SENP2: variants seen among roughly 807,000 people sequenced by gnomAD.
SENP2 encodes SUMO specific peptidase 2.
SENP2 carries 16 observed loss-of-function variants against 86.3 expected under a neutral mutation model. The ratio of observed to expected loss-of-function variants is 0.19; its 90% CI spans 0.13 to 0.28. The LOEUF (loss-of-function observed/expected upper bound fraction) is 0.28, where lower values mean the gene tolerates loss of function less well. Ranked by LOEUF, SENP2 falls within the 10% of genes least tolerant of loss-of-function variation. SENP2 has a pLI of 1.00. For synonymous variants in SENP2, 222 were observed against 238.7 expected (o/e 0.93, Z 0.64); for missense variants, 552 against 703.0 (o/e 0.79, Z 2.43).
chr3:185,598,898 A>G (rs1330736359), intron 3 of SENP2, 60 bp from the exon 4 acceptor site: 5 of 1,316,150 alleles, frequency 3.8e-6, no homozygotes, highest in East Asian at 2.3e-5. Flanking sequence ...TTTTCATAAT[A>G]GAAAGTTATT....
At chr3:185,629,575 CAA>C (rs34843707) in intron 16 of SENP2, among the ~76,000 whole-genome samples, 11,163 of 116,950 alleles carry the variant, frequency 0.095, 629 homozygotes, top group South Asian at 0.34. Context: ...GACTCCATCT[CAA>C]AAAAAAAAAA....
intron 2 of SENP2, among the ~76,000 whole-genome samples, chr3:185,591,081 ATTTTTAGTAGAGATG>A (rs1180410115): frequency 7.4e-5 from 11 of 148,532 alleles, no homozygotes; most frequent in Admixed American, 6.0e-4. Flanking sequence ...GTTTTTTTGT[ATTTTTAGTAGAGATG>A]GGGTTTCACC....
chr3:185,601,041 CTTTTTTTTT>C (rs11315344), intron 5 of SENP2, among the ~76,000 whole-genome samples, 186 bp downstream of exon 5: 1 of 75,530 alleles, frequency 1.3e-5, no homozygotes. Context: ...CTTTTCTTGT[CTTTTTTTTT>C]TTTTTTTTTT....
At position 185,611,676 on chromosome 3, in the gene SENP2, T is replaced by C. The variant is rs1028827339; in HGVS notation, c.748T>C (p.Leu250=). The C allele has an allele frequency of 5.6e-6, 9 of 1,613,492 alleles. No homozygotes were observed. The Admixed American group carries it at 1.3e-4, about 24-fold the overall frequency. The change falls in exon 8 of 17, where the codon TTA becomes CTA. Residue 250 remains leucine, a synonymous_variant. Coordinates refer to ENST00000296257, the MANE Select transcript of SENP2 (RefSeq NM_021627.3). Reference sequence around the variant, plus strand: ...TTCTCAAAGAAGTCAGATGGACACATTAAAGACCAAAGGCTGGGGGGAAGA... The same window carrying C: ...TTCTCAAAGAAGTCAGATGGACACACTAAAGACCAAAGGCTGGGGGGAAGA... ...HSSQRSQMDT[L]KTKGWGEEQN...
intron 1 of SENP2, among the ~76,000 whole-genome samples, chr3:185,589,133 T>G (rs1252485541): frequency 2.0e-5 from 3 of 151,978 alleles, no homozygotes; most frequent in African/African-American, 7.3e-5. Flanking sequence ...AGATGATGAG[T>G]AATATACTAT....
chr3:185,623,763 G>C (rs370388997), intron 14 of SENP2, among the ~76,000 whole-genome samples: 1 of 140,106 alleles, frequency 7.1e-6, no homozygotes, highest in Non-Finnish European at 1.5e-5. Context: ...GGAGGCAGAG[G>C]TTGCAGTGAG....
chr3:185,596,917 G>A (rs1182594034), intron 2 of SENP2, among the ~76,000 whole-genome samples: 1 of 152,120 alleles, frequency 6.6e-6, no homozygotes, highest in Non-Finnish European at 1.5e-5. Context: ...GCAATGGCAC[G>A]ATCTCAGCTC....
intron 1 of SENP2, among the ~76,000 whole-genome samples, chr3:185,588,075 T>TTTTTTTTTGG: frequency 7.5e-6 from 1 of 132,756 alleles, no homozygotes; most frequent in East Asian, 2.2e-4. Context: ...TTTTTTTTTT[T>TTTTTTTTTGG]GAGGCGGAGT....
At chr3:185,613,556 C>T in intron 10 of SENP2, 148 bp downstream of exon 10, 1 of 494,448 alleles carries the variant, frequency 2.0e-6, no homozygotes, top group Non-Finnish European at 3.5e-6. Context: ...GCCAGCCAGT[C>T]ACAGTGGCTC....
chr3:185,592,001 G>A (rs535572752), intron 2 of SENP2, among the ~76,000 whole-genome samples: 125 of 53,498 alleles, frequency 2.3e-3, no homozygotes, highest in African/African-American at 6.8e-3. Flanking sequence ...TTTAAGAACC[G>A]GTAATATTTC....
rs771862999 is a variant in SENP2, at chr3:185,598,397, G to A, written c.158-15G>A. On this transcript the variant is annotated splice_polypyrimidine_tract_variant and intron_variant, in intron 2 of 16. Transcript: ENST00000296257. ...GTTTATTACTTTATATTTACAGTTT[G>A]TTGACACTTTCTAGATTGCTTTATT... The A allele has an allele frequency of 1.2e-6, 2 of 1,612,002 alleles. No individual in the cohort carries two copies.
At chr3:185,621,156 CAAAAAAAAAAA>C (rs1206042436) in intron 13 of SENP2, among the ~76,000 whole-genome samples, 33 of 39,054 alleles carry the variant, frequency 8.4e-4, no homozygotes, top group African/African-American at 3.0e-3. Context: ...GATCTTGTCT[CAAAAAAAAAAA>C]AAAAAAAAAA....
At chr3:185,628,407 G>T (rs1419059812) in intron 16 of SENP2, among the ~76,000 whole-genome samples, 2 of 152,218 alleles carry the variant, frequency 1.3e-5, no homozygotes, top group East Asian at 1.9e-4. Flanking sequence ...AAAGTGCTGG[G>T]ATTACAGGCA....
Position 185,631,900 on chromosome 3 carries a change from C to CACTG in SENP2, c.*2058_*2061dup, listed in dbSNP as rs1285630713. The CACTG allele has an allele frequency of 6.6e-6, 1 of 151,402 alleles. No individual in the cohort carries two copies. Among genetic ancestry groups the CACTG allele is most frequent in the African/African-American group, 2.4e-5 (1 of 41,190 alleles). The allele number at this position is 151,402 out of a possible 1,614,324, so 9.4% of individuals were successfully genotyped here. On this transcript the variant is annotated 3_prime_UTR_variant, in exon 17 of 17. Coordinates refer to ENST00000296257, the MANE Select transcript of SENP2 (RefSeq NM_021627.3). ...TGAGGGGCTTCTTCAGAGCAGTTCT[C>CACTG]ACTGAGCTTTCCATTAACCTACACT...
intron 2 of SENP2, among the ~76,000 whole-genome samples, chr3:185,597,234 C>T (rs1190138023): frequency 6.6e-6 from 1 of 151,966 alleles, no homozygotes; most frequent in Non-Finnish European, 1.5e-5. Context: ...GTGTGTGAAT[C>T]AGTATGGATT....
intron 5 of SENP2, among the ~76,000 whole-genome samples, chr3:185,602,695 G>A (rs970705700): frequency 1.3e-5 from 2 of 151,616 alleles, no homozygotes; most frequent in African/African-American, 4.8e-5. Flanking sequence ...TTAGCTAGGT[G>A]TGGTGGCACA....
At chr3:185,623,445 AT>A (rs1560201430) in intron 14 of SENP2, among the ~76,000 whole-genome samples, 2 of 152,200 alleles carry the variant, frequency 1.3e-5, no homozygotes, top group African/African-American at 4.8e-5. Context: ...GGCCTATGTT[AT>A]TTTTTGTATC....
intron 5 of SENP2, among the ~76,000 whole-genome samples, chr3:185,604,495 T>A (rs1019448782): frequency 2.6e-5 from 4 of 152,222 alleles, no homozygotes; most frequent in Admixed American, 1.3e-4. Context: ...CTTTATTGAT[T>A]GATGAGTCAG....
chr3:185,622,656 TTTC>T (rs1711943425), intron 14 of SENP2, among the ~76,000 whole-genome samples: 1 of 152,116 alleles, frequency 6.6e-6, no homozygotes, highest in Non-Finnish European at 1.5e-5. Flanking sequence ...CTTCTAGTCT[TTTC>T]TTTGTAAGAT....
Sources: allele counts gnomAD v4.1 joint callset (sites outside exome capture counted in the v4.1 genomes callset), GRCh38; gene constraint gnomAD v4.1.1; transcripts MANE v1.5; gene names NCBI Gene and HGNC (gene_info 2026-07-23, HGNC 2026-07-21).